PTPN9: variants seen among roughly 807,000 people sequenced by gnomAD.
The protein encoded by PTPN9 is tyrosine-protein phosphatase non-receptor type 9.
In PTPN9, 26 loss-of-function variants were observed where a neutral mutation model predicts 69.8. The observed-to-expected ratio is 0.37, with a 90% CI of 0.27 to 0.52. The LOEUF (loss-of-function observed/expected upper bound fraction) is 0.52, where lower values mean the gene tolerates loss of function less well. Ranked by LOEUF, PTPN9 falls within the 20% of genes least tolerant of loss-of-function variation. The pLI is 0.91. For synonymous variants in PTPN9, 274 were observed against 272.5 expected, an observed-to-expected ratio of 1.01 and a Z score of -0.05; for missense variants, 549 against 740.3, an observed-to-expected ratio of 0.74 and a Z score of 3.00.
chr15:75,524,117 T>TAAAAAAAAAAAAAA (rs34132149), intron 3 of PTPN9, 92 bp downstream of exon 3: 2 of 322,310 alleles, frequency 6.2e-6, no homozygotes, highest in African/African-American at 2.8e-5. Context: ...ATAATAAAAT[T>TAAAAAAAAAAAAAA]AAAAAAAAAA....
chr15:75,489,578 G>A (rs1227970457), intron 8 of PTPN9, among the ~76,000 whole-genome samples: 1 of 151,844 alleles, frequency 6.6e-6, no homozygotes, highest in Non-Finnish European at 1.5e-5. Context: ...GCAAGACCTT[G>A]TCTTGAGGGA....
chr15:75,486,392 C>T (rs1162317508), intron 8 of PTPN9, among the ~76,000 whole-genome samples: 5 of 152,256 alleles, frequency 3.3e-5, no homozygotes, highest in East Asian at 3.9e-4. Context: ...TGCTCCCTCA[C>T]CCCTTCCCCT....
chr15:75,550,605 T>C (rs886241379), intron 1 of PTPN9, among the ~76,000 whole-genome samples: 2 of 151,348 alleles, frequency 1.3e-5, no homozygotes. Flanking sequence ...CTGTCCAACA[T>C]GGTGAAACCC....
chr15:75,475,122 G>A (rs1052255295), intron 9 of PTPN9, among the ~76,000 whole-genome samples: 3 of 152,164 alleles, frequency 2.0e-5, no homozygotes, highest in Non-Finnish European at 2.9e-5. Flanking sequence ...TTTACTTTGT[G>A]GGAATTAATG....
Position 75,464,166 on chromosome 15 carries a change from CT to C in PTPN9, c.*4602del, listed in dbSNP as rs1189723514. The C allele has an allele frequency of 6.6e-6, 1 of 152,282 alleles. No homozygotes were observed. Among genetic ancestry groups the C allele is most frequent in the Non-Finnish European group, 1.5e-5 (1 of 68,198 alleles). The allele number at this position is 152,282 out of a possible 1,614,324, so 9.4% of individuals were successfully genotyped here. A position where few individuals can be genotyped will look rare whatever the true frequency, so the allele number is the denominator to read the frequency against. On this transcript the variant is annotated 3_prime_UTR_variant, in exon 13 of 13. Coordinates refer to ENST00000618819, the MANE Select transcript of PTPN9 (RefSeq NM_002833.4). ...TGAAAACACACTAAAACTGGAGAGG[CT>C]GGGTGTGGTGGCCCATGCCTGTAAT... is the stretch of plus-strand genomic sequence containing the variant.
chr15:75,571,827 G>A (rs1395163945), intron 1 of PTPN9, among the ~76,000 whole-genome samples: 1 of 151,962 alleles, frequency 6.6e-6, no homozygotes, highest in Non-Finnish European at 1.5e-5. Context: ...ACAGGAGGTG[G>A]AGGTTGTGCC....
At chr15:75,482,393 G>GTCTCTACTA (rs1427329135) in intron 8 of PTPN9, among the ~76,000 whole-genome samples, 13 of 152,064 alleles carry the variant, frequency 8.5e-5, no homozygotes, top group Admixed American at 2.6e-4. Context: ...GTGAAACCCC[G>GTCTCTACTA]TCTCTACTAA....
intron 1 of PTPN9, among the ~76,000 whole-genome samples, chr15:75,543,988 G>C (rs778040170): frequency 7.2e-5 from 11 of 152,130 alleles, no homozygotes; most frequent in Non-Finnish European, 1.5e-4. Flanking sequence ...TTTCCTGCTG[G>C]AGGCATTTGC....
chr15:75,467,007 C>G lies in PTPN9; in HGVS notation c.*1762G>C, dbSNP rs189813002. On this transcript the variant is annotated 3_prime_UTR_variant, in exon 13 of 13. Coordinates refer to ENST00000618819, the MANE Select transcript of PTPN9 (RefSeq NM_002833.4). ...AAGGTGAACTCATAGTGTCAGAACT[C>G]AAAGTCTCAGATACTGAAGGCTTGG... 1.3e-5 allele frequency: 2 copies of G among 152,338 alleles called. No homozygotes were observed. The highest frequency in any genetic ancestry group is 1.3e-4 in the Admixed American group (2 of 15,288). 9.4% of individuals were successfully genotyped at this position (152,338 alleles called of 1,614,324 possible).
intron 7 of PTPN9, among the ~76,000 whole-genome samples, chr15:75,503,245 G>A (rs1158575741): frequency 2.7e-5 from 4 of 148,886 alleles, no homozygotes; most frequent in East Asian, 4.0e-4. Context: ...ATCTCTGCCC[G>A]GCCGCCCATC....
At position 75,465,866 on chromosome 15, in the gene PTPN9, A is replaced by G. The variant is rs2074534652; in HGVS notation, c.*2903T>C. The G allele has an allele frequency of 6.6e-6, 1 of 152,210 alleles. No individual in the cohort carries two copies. 9.4% of individuals were successfully genotyped at this position (152,210 alleles called of 1,614,324 possible). On this transcript the variant is annotated 3_prime_UTR_variant, in exon 13 of 13. Coordinates refer to ENST00000618819, the MANE Select transcript of PTPN9 (RefSeq NM_002833.4). ...TAAAGTTACCTCCTCCAGGCCGTTT[A>G]TCATTAATCCCATTTCTTACATGTT...
rs1274666590 is a variant in PTPN9, at chr15:75,464,966, CAG to C, written c.*3801_*3802del. On this transcript the variant is annotated 3_prime_UTR_variant, in exon 13 of 13. Coordinates refer to ENST00000618819, the MANE Select transcript of PTPN9 (RefSeq NM_002833.4). Reference sequence around the variant, plus strand: ...GAAGGGAGCAATGGGAAAAAGGACACAGGGATTATCTCATGTTTGAAAAATTA... The same window carrying C: ...GAAGGGAGCAATGGGAAAAAGGACACGGATTATCTCATGTTTGAAAAATTA... 1 of 152,106 alleles carries C rather than the reference CAG, an allele frequency of 6.6e-6. No homozygotes were observed. The highest frequency in any genetic ancestry group is 1.5e-5 in the Non-Finnish European group (1 of 68,028). The allele number at this position is 152,106 out of a possible 1,614,324, so 9.4% of individuals were successfully genotyped here. A position where few individuals can be genotyped will look rare whatever the true frequency, so the allele number is the denominator to read the frequency against.
intron 1 of PTPN9, among the ~76,000 whole-genome samples, chr15:75,530,467 TATA>T (rs1237203477): frequency 1.2e-4 from 12 of 98,992 alleles, no homozygotes; most frequent in East Asian, 5.4e-4. Context: ...AAATATATAT[TATA>T]ATAATAAAAA....
rs927231892 is a variant in PTPN9 at position 75,511,260 on chromosome 15, CT to C, written c.529-2234del. On this transcript the variant is annotated intron_variant, in intron 5 of 12. Coordinates refer to ENST00000618819, the MANE Select transcript of PTPN9 (RefSeq NM_002833.4). ...AAAAATTTAAACTTTTGTTTTTGTC[CT>C]TTTTTTTTGAGACAAGTTCTCACTC... 2.2e-3 allele frequency among the ~76,000 whole-genome samples: 330 copies of C among 150,578 alleles called. 2 individuals carry two copies. Among genetic ancestry groups the C allele is most frequent in the African/African-American group, 7.2e-3 (297 of 40,998 alleles).
intron 6 of PTPN9, among the ~76,000 whole-genome samples, chr15:75,508,482 C>T (rs1284362511): frequency 6.6e-6 from 1 of 152,174 alleles, no homozygotes; most frequent in Non-Finnish European, 1.5e-5. Flanking sequence ...CTCCACAACC[C>T]TGGTGGTCAA....
intron 6 of PTPN9, 135 bp from the exon 7 acceptor site, chr15:75,506,138 AG>A: frequency 1.4e-6 from 1 of 695,918 alleles, no homozygotes; most frequent in Non-Finnish European, 2.4e-6. Flanking sequence ...TACTTGTAAA[AG>A]TAGTAGACTA....
At chr15:75,528,525 G>A (rs2074940909) in intron 1 of PTPN9, among the ~76,000 whole-genome samples, 1 of 151,748 alleles carries the variant, frequency 6.6e-6, no homozygotes, top group South Asian at 2.1e-4. Context: ...TGGGACTATA[G>A]GCATGGCATA....
intron 7 of PTPN9, among the ~76,000 whole-genome samples, chr15:75,496,403 A>G (rs534542007): frequency 6.6e-5 from 10 of 152,256 alleles, no homozygotes; most frequent in Admixed American, 6.5e-4. Context: ...AGAATGTTAC[A>G]TATAATTATT....
intron 4 of PTPN9, among the ~76,000 whole-genome samples, chr15:75,520,439 T>C: frequency 8.4e-6 from 1 of 118,866 alleles, no homozygotes; most frequent in South Asian, 3.2e-4. Context: ...GGGTATAGAA[T>C]AGATAGATAG....
Sources: allele counts gnomAD v4.1 joint callset (sites outside exome capture counted in the v4.1 genomes callset), GRCh38; gene constraint gnomAD v4.1.1; transcripts MANE v1.5; gene names NCBI Gene and HGNC (gene_info 2026-07-23, HGNC 2026-07-21).